Variants in SLIT1 observed in about 807,000 individuals in gnomAD.
SLIT1 encodes the protein slit guidance ligand 1, also known as slit homolog 1 protein.
Under a neutral mutation model 186.1 loss-of-function variants are expected in SLIT1, and 66 were observed. That is an observed-to-expected ratio of 0.35 (90% CI 0.29 to 0.44). SLIT1 has a LOEUF of 0.44. Ranked by LOEUF, SLIT1 falls within the 20% of genes least tolerant of loss-of-function variation. SLIT1 has a pLI of 1.00. For synonymous variants in SLIT1, 761 were observed against 833.8 expected, an observed-to-expected ratio of 0.91 and a Z score of 1.50; for missense variants, 1,638 against 2,037.4, an observed-to-expected ratio of 0.80 and a Z score of 3.77.
intron 1 of SLIT1, among the ~76,000 whole-genome samples, chr10:97,165,331 T>C (rs1000183777): frequency 6.6e-6 from 1 of 152,158 alleles, no homozygotes; most frequent in Non-Finnish European, 1.5e-5. Flanking sequence ...GTAAACGGCA[T>C]AGCCTGCGCT....
intron 30 of SLIT1, 40 bp downstream of exon 30, chr10:97,013,701 C>T (rs1203208717): frequency 7.0e-7 from 1 of 1,434,692 alleles, no homozygotes; most frequent in African/African-American, 1.4e-5. Context: ...GACTCAGGGG[C>T]CTGAGCTCCT....
At chr10:97,080,297 TCCTGCAAGGAGCTC>T (rs1430484967) in intron 4 of SLIT1, among the ~76,000 whole-genome samples, 3 of 152,160 alleles carry the variant, frequency 2.0e-5, no homozygotes, top group Non-Finnish European at 4.4e-5. Context: ...GGACATCGTT[TCCTGCAAGGAGCTC>T]CCTGCTACCC....
chr10:97,135,304 T>G (rs1285679169), intron 4 of SLIT1, among the ~76,000 whole-genome samples: 1 of 152,034 alleles, frequency 6.6e-6, no homozygotes, highest in African/African-American at 2.4e-5. Context: ...TCTAAAATAC[T>G]TAGGCTCGGT....
At chr10:97,146,122 T>C (rs1370949645) in intron 4 of SLIT1, among the ~76,000 whole-genome samples, 1 of 152,188 alleles carries the variant, frequency 6.6e-6, no homozygotes, top group East Asian at 1.9e-4. Context: ...ACCAAACTGA[T>C]TCCAAACTAT....
intron 15 of SLIT1, 26 bp downstream of exon 15, chr10:97,047,947 G>A: frequency 1.9e-6 from 3 of 1,614,010 alleles, no homozygotes; most frequent in Non-Finnish European, 2.5e-6. Flanking sequence ...CCGCCAGGCT[G>A]GCCTTGGATC....
At chr10:97,160,556 T>C (rs1259949720) in intron 3 of SLIT1, among the ~76,000 whole-genome samples, 1 of 152,108 alleles carries the variant, frequency 6.6e-6, no homozygotes, top group Non-Finnish European at 1.5e-5. Flanking sequence ...GGTATACGTG[T>C]GTGGTTTAGG....
At chr10:97,052,716 T>G (rs1039518363) in intron 13 of SLIT1, among the ~76,000 whole-genome samples, 1 of 152,224 alleles carries the variant, frequency 6.6e-6, no homozygotes, top group African/African-American at 2.4e-5. Context: ...ACACAGGGAC[T>G]TCGCCACAGA....
intron 4 of SLIT1, among the ~76,000 whole-genome samples, chr10:97,151,373 G>A (rs1436975073): frequency 2.0e-4 from 30 of 151,746 alleles, no homozygotes; most frequent in Non-Finnish European, 1.3e-4. Context: ...AGGGTTGATG[G>A]GTGGGGGTGG....
chr10:97,059,133 G>C (rs1429205620), intron 11 of SLIT1, among the ~76,000 whole-genome samples: 1 of 152,206 alleles, frequency 6.6e-6, no homozygotes. Flanking sequence ...GGCGGGGGAC[G>C]GGGCCAAGAT....
chr10:97,002,717 AG>A lies in SLIT1; in HGVS notation c.4140del (p.Cys1381AlafsTer123). On this transcript the variant is annotated frameshift_variant, in exon 35 of 37. Transcript: ENST00000266058. LOFTEE classifies it high-confidence loss of function. ...CCCCAGGCTCACTTGTGGCCATGGC[AG>A]GGGCCGTCAGCGGGCTGGTCACAGT... ...GLHCDQPADG[P>X]CHGHKCVHGQ... is the part of the protein sequence containing the mutation. 3 of 1,579,612 alleles carry A rather than the reference AG, an allele frequency of 1.9e-6. No homozygotes were observed.
intron 11 of SLIT1, 63 bp from the exon 12 acceptor site, chr10:97,057,344 T>A (rs927635628): frequency 6.5e-6 from 9 of 1,387,712 alleles, no homozygotes; most frequent in Non-Finnish European, 9.2e-6. Flanking sequence ...AGCACAACTC[T>A]GCAGACGGCC....
chr10:97,073,910 C>T (rs557814019), intron 4 of SLIT1, among the ~76,000 whole-genome samples: 1 of 152,218 alleles, frequency 6.6e-6, no homozygotes, highest in Admixed American at 6.5e-5. Flanking sequence ...TTCCCAGACC[C>T]CTCCTGACAT....
intron 4 of SLIT1, among the ~76,000 whole-genome samples, chr10:97,151,734 G>GA (rs1849882871): frequency 6.6e-6 from 1 of 152,142 alleles, no homozygotes; most frequent in African/African-American, 2.4e-5. Flanking sequence ...GTAAAATTCG[G>GA]AAAGTGCTGA....
chr10:97,050,178 A>G (rs1427140654), intron 13 of SLIT1, among the ~76,000 whole-genome samples: 1 of 152,136 alleles, frequency 6.6e-6, no homozygotes, highest in Non-Finnish European at 1.5e-5. Context: ...GTACGGGGAG[A>G]CAGAGCAACA....
rs1416965723 is a variant in SLIT1, at chr10:97,014,130, G to A, written c.2998C>T (p.Pro1000Ser). The A allele has an allele frequency of 1.9e-6, 3 of 1,613,916 alleles. No homozygotes were observed. Among genetic ancestry groups the A allele is most frequent in the Non-Finnish European group, 1.7e-6 (2 of 1,180,042 alleles). ...TCSCPTGFEG[P>S]TCGVNTDDCV... ...TCATCTGTGTTCACCCCACAGGTTGGTCCTTCAAAGCCGGTGGGACAGGAG... is the reference window on the plus strand; with the variant it reads ...TCATCTGTGTTCACCCCACAGGTTGATCCTTCAAAGCCGGTGGGACAGGAG... The change falls in exon 29 of 37, where the codon CCA (proline) becomes TCA (serine). Residue 1000 changes from proline (P) to serine (S), a missense_variant. Physicochemically the swap from Pro to Ser is moderately conservative, Grantham distance 74. This residue lies in a region of SLIT1 where 1,245 missense variants were observed against 1,535.3 expected (regional missense o/e 0.81). Coordinates refer to ENST00000266058, the MANE Select transcript of SLIT1 (RefSeq NM_003061.3).
intron 1 of SLIT1, among the ~76,000 whole-genome samples, chr10:97,170,852 C>A (rs2134736507): frequency 6.6e-6 from 1 of 152,254 alleles, no homozygotes; most frequent in Admixed American, 6.5e-5. Flanking sequence ...TGTGAGGAAC[C>A]AAAAGAAACC....
intron 4 of SLIT1, among the ~76,000 whole-genome samples, chr10:97,099,421 A>C (rs2817691): frequency 0.54 from 82,168 of 151,524 alleles, 24,393 homozygotes; most frequent in East Asian, 0.77. Flanking sequence ...TCTAAAAGTC[A>C]AAATTGCACA....
intron 20 of SLIT1, among the ~76,000 whole-genome samples, chr10:97,041,507 T>C (rs1246532576): frequency 6.6e-6 from 1 of 151,920 alleles, no homozygotes; most frequent in Non-Finnish European, 1.5e-5. Flanking sequence ...ATTCTCATTC[T>C]GTTGCCCAGG....
chr10:97,065,391 G>C (rs757705129), intron 5 of SLIT1: 1 of 154,260 alleles, frequency 6.5e-6, no homozygotes, highest in Admixed American at 6.4e-5. Flanking sequence ...GCGAGGTTGG[G>C]GGTGTGTGTG....
Sources: allele counts gnomAD v4.1 joint callset (sites outside exome capture counted in the v4.1 genomes callset), GRCh38; gene constraint gnomAD v4.1.1; regional missense constraint gnomAD v4.1.1; transcripts MANE v1.5; gene names NCBI Gene and HGNC (gene_info 2026-07-23, HGNC 2026-07-21).